The following GPR155 variants were observed in gnomAD, a reference collection of about 807,000 sequenced individuals.
GPR155 encodes lysosomal cholesterol signaling protein.
GPR155 carries 65 observed loss-of-function variants against 93.1 expected under a neutral mutation model. The ratio of observed to expected loss-of-function variants is 0.70; its 90% CI spans 0.57 to 0.86. The LOEUF is 0.86. Among genes scored for constraint, GPR155 ranks in the 40% least tolerant of loss-of-function variants. GPR155 has a pLI of 0.00. For synonymous variants in GPR155, 319 were observed against 360.1 expected (o/e 0.89, Z 1.29); for missense variants, 838 against 1,034.8 (o/e 0.81, Z 2.61).
rs1293182348 is a variant in GPR155 at position 174,435,925 on chromosome 2, T to C, written c.*191A>G. 2 of 557,072 alleles carry C rather than the reference T, an allele frequency of 3.6e-6. No homozygotes were observed. Among genetic ancestry groups the C allele is most frequent in the Non-Finnish European group, 6.4e-6 (2 of 312,840 alleles). The allele number at this position is 557,072 out of a possible 1,614,324, so 34.5% of individuals were successfully genotyped here. On this transcript the variant is annotated 3_prime_UTR_variant, in exon 16 of 16. Coordinates refer to ENST00000392552, the MANE Select transcript of GPR155 (RefSeq NM_152529.7). Reference sequence around the variant, plus strand: ...TTCTCTTTTTCCTAAGTCAGCTTCCTATGTGTTTTACATACATGTAAAATC... The same window carrying C: ...TTCTCTTTTTCCTAAGTCAGCTTCCCATGTGTTTTACATACATGTAAAATC...
rs368122250 is a variant in GPR155 at position 174,437,510 on chromosome 2, G to A, written c.2313-1094C>T. On this transcript the variant is annotated intron_variant, in intron 15 of 15. Coordinates refer to ENST00000392552, the MANE Select transcript of GPR155 (RefSeq NM_152529.7). ...ACTAGAAACACCACATTCGACAAAA[G>A]CCTGGATATTATACTCTGTGTTAGC... 5.4e-4 allele frequency among the ~76,000 whole-genome samples: 81 copies of A among 151,146 alleles called. 1 individual carries two copies. The South Asian group carries it at 0.017, about 31-fold the overall frequency.
intron 9 of GPR155, among the ~76,000 whole-genome samples, chr2:174,460,700 TA>T (rs1236747037): frequency 2.0e-5 from 3 of 152,218 alleles, no homozygotes; most frequent in African/African-American, 7.2e-5. Flanking sequence ...ATGTTTTCTT[TA>T]CTCCTGTTTC....
At chr2:174,482,759 C>T (rs1688364036) in intron 1 of GPR155, 1 of 152,234 alleles carries the variant, frequency 6.6e-6, no homozygotes, top group Admixed American at 6.5e-5. Context: ...CTCAGCATCC[C>T]ACAGTGCTGG....
At chr2:174,475,614 C>A (rs1216994102) in intron 2 of GPR155, among the ~76,000 whole-genome samples, 7 of 152,048 alleles carry the variant, frequency 4.6e-5, no homozygotes, top group African/African-American at 1.2e-4. Flanking sequence ...TTTATAAGTT[C>A]TTTCCACTGG....
intron 11 of GPR155, among the ~76,000 whole-genome samples, chr2:174,453,107 C>G (rs1264689975): frequency 6.6e-6 from 1 of 152,188 alleles, no homozygotes; most frequent in Non-Finnish European, 1.5e-5. Context: ...AAGAAAAAAG[C>G]TTCCCTCTCT....
rs1298143175 is a variant in GPR155 at position 174,465,788 on chromosome 2, T to A, written c.1381A>T (p.Thr461Ser). ...TTCCATTCATAATCCAACTCACCTG[T>A]CCACAGGTAGGTGCTATAGAGGGAG... is the stretch of plus-strand genomic sequence containing the variant. Reference protein sequence around the residue: ...YSSLYSTYLWTGLLAISLFLL... With the variant: ...YSSLYSTYLWSGLLAISLFLL... Residue 461 changes from threonine (T) to serine (S), a missense_variant, in exon 7 of 16, where the codon ACA becomes TCA. Physicochemically the swap from Thr to Ser is moderately conservative, Grantham distance 58. Transcript: ENST00000392552. 1 of 1,478,282 alleles carries A rather than the reference T, an allele frequency of 6.8e-7. No individual in the cohort carries two copies. Among genetic ancestry groups the A allele is most frequent in the Admixed American group, 1.7e-5 (1 of 58,736 alleles). The allele number at this position is 1,478,282 out of a possible 1,614,324, so 91.6% of individuals were successfully genotyped here. A position where few individuals can be genotyped will look rare whatever the true frequency, so the allele number is the denominator to read the frequency against.
rs1416099934 is a variant in GPR155, at chr2:174,434,788, T to A, written c.*1328A>T. 1.3e-5 allele frequency: 1 copy of A among 78,106 alleles called. No homozygotes were observed. Among genetic ancestry groups the A allele is most frequent in the African/African-American group, 5.6e-5 (1 of 17,714 alleles). The allele number at this position is 78,106 out of a possible 1,614,324, so 4.8% of individuals were successfully genotyped here. On this transcript the variant is annotated 3_prime_UTR_variant, in exon 16 of 16. Coordinates refer to ENST00000392552, the MANE Select transcript of GPR155 (RefSeq NM_152529.7). ...ACCTGGGTATTCTTTTTTCTTTTTC[T>A]TTTTCTTTTTTTTTTTTTTTAGTAC...
rs749054375 is a variant in GPR155, at chr2:174,468,986, T to C, written c.1108A>G (p.Met370Val). 3.0e-5 allele frequency: 49 copies of C among 1,613,814 alleles called. No individual in the cohort carries two copies. Among genetic ancestry groups the C allele is most frequent in the South Asian group, 8.8e-5 (8 of 91,086 alleles). Residue 370 changes from methionine to valine, a missense_variant, in exon 5 of 16, where the codon ATG (methionine) becomes GTG (valine). Met to Val is a conservative substitution (Grantham distance 21, BLOSUM62 1). Coordinates refer to ENST00000392552, the MANE Select transcript of GPR155 (RefSeq NM_152529.7). ...GCATATGCCAATGGCTTAGGGTCCATAGTGGGAAAGGTCAGTAACCAGGCA... is the reference window on the plus strand; with the variant it reads ...GCATATGCCAATGGCTTAGGGTCCACAGTGGGAAAGGTCAGTAACCAGGCA... Reference protein sequence around the residue: ...VSAWLLTFPTMDPKPLAYAIQ... With the variant: ...VSAWLLTFPTVDPKPLAYAIQ...
At chr2:174,439,726 G>A (rs1264536296) in intron 15 of GPR155, among the ~76,000 whole-genome samples, 172 bp downstream of exon 15, 1 of 152,026 alleles carries the variant, frequency 6.6e-6, no homozygotes, top group Non-Finnish European at 1.5e-5. Flanking sequence ...TCTTTTATAT[G>A]CCATTTCTGA....
At position 174,473,186 on chromosome 2, in the gene GPR155, A is replaced by G. The variant is rs1688046915; in HGVS notation, c.639T>C (p.Arg213=). The G allele has an allele frequency of 1.9e-6, 3 of 1,613,380 alleles. No homozygotes were observed. Among genetic ancestry groups the G allele is most frequent in the East Asian group, 2.2e-5 (1 of 44,858 alleles). ...KIKIVGLGLL[R]VLQNPIVFMV... ...TAAATACTATTGGGTTCTGTAATAC[A>G]CGCAGGAGTCCGAGTCCCACAATTT... The change falls in exon 3 of 16, where the codon CGT becomes CGC. Residue 213 remains arginine (R), a synonymous_variant. Coordinates refer to ENST00000392552, the MANE Select transcript of GPR155 (RefSeq NM_152529.7).
chr2:174,453,793 A>T lies in GPR155; in HGVS notation c.1820T>A (p.Ile607Lys). The change falls in exon 11 of 16, where the codon ATA (isoleucine) becomes AAA (lysine). Residue 607 changes from isoleucine to lysine, a missense_variant. Coordinates refer to ENST00000392552, the MANE Select transcript of GPR155 (RefSeq NM_152529.7). ...GGTGCTTGTGTTTGCTATTGGCTCTATTGATGGGCAGTGTAATTCACCATT... is the reference window on the plus strand; with the variant it reads ...GGTGCTTGTGTTTGCTATTGGCTCTTTTGATGGGCAGTGTAATTCACCATT... ...MGNGELHCPS[I>K]EPIANTSTSE... 1 of 1,613,746 alleles carries T rather than the reference A, an allele frequency of 6.2e-7. No individual in the cohort carries two copies. The highest frequency in any genetic ancestry group is 8.5e-7 in the Non-Finnish European group (1 of 1,179,836).
At chr2:174,476,844 G>A (rs779063424) in intron 2 of GPR155, among the ~76,000 whole-genome samples, 1 of 151,882 alleles carries the variant, frequency 6.6e-6, no homozygotes, top group Admixed American at 6.6e-5. Context: ...ACTACTTAAG[G>A]CCTGTCTCTG....
At chr2:174,480,075 G>T (rs1004882899) in intron 2 of GPR155, among the ~76,000 whole-genome samples, 1 of 152,162 alleles carries the variant, frequency 6.6e-6, no homozygotes, top group Non-Finnish European at 1.5e-5. Flanking sequence ...ATAAGTTGGG[G>T]TTTGAGGGGA....
intron 13 of GPR155, among the ~76,000 whole-genome samples, chr2:174,443,317 T>C (rs1435448001): frequency 1.3e-5 from 2 of 152,250 alleles, no homozygotes; most frequent in Non-Finnish European, 2.9e-5. Context: ...TTGACAAATG[T>C]TAACTCATTC....
Position 174,465,874 on chromosome 2 carries a change from C to T in GPR155, c.1295G>A (p.Trp432Ter). The change falls in exon 7 of 16, where the codon TGG becomes TAG. Residue 432 changes from tryptophan to a stop codon, truncating the protein, a stop_gained. Coordinates refer to ENST00000392552, the MANE Select transcript of GPR155 (RefSeq NM_152529.7). LOFTEE classifies it high-confidence loss of function. ...AAAATTTTTTTCTTTAACAAAATTC[C>T]ATATCATCATTCCAGCACAGACAAT... Reference protein sequence around the residue: ...QSIVCAGMMIWNFVKEKNFVG... With the variant: ...QSIVCAGMMI 1 of 1,588,458 alleles carries T rather than the reference C, an allele frequency of 6.3e-7. No individual in the cohort carries two copies. The highest frequency in any genetic ancestry group is 8.6e-7 in the Non-Finnish European group (1 of 1,158,020).
intron 11 of GPR155, among the ~76,000 whole-genome samples, chr2:174,452,891 C>T (rs1046916530): frequency 2.6e-5 from 4 of 152,168 alleles, no homozygotes; most frequent in African/African-American, 9.7e-5. Flanking sequence ...ACCTTGTGAT[C>T]CACCCGCCTC....
chr2:174,463,330 A>G (rs2105712228), intron 7 of GPR155, among the ~76,000 whole-genome samples: 1 of 152,184 alleles, frequency 6.6e-6, no homozygotes, highest in South Asian at 2.1e-4. Context: ...CCTCCTGAGT[A>G]GCTGGGACTA....
In GPR155 at chr2:174,432,756, A is replaced by T. The variant is rs1686671100; in HGVS notation, c.*3360T>A. 1 of 138,510 alleles carries T rather than the reference A, an allele frequency of 7.2e-6. No individual in the cohort carries two copies. Among genetic ancestry groups the T allele is most frequent in the African/African-American group, 2.6e-5 (1 of 38,150 alleles). 8.6% of individuals were successfully genotyped at this position (138,510 alleles called of 1,614,324 possible). On this transcript the variant is annotated 3_prime_UTR_variant, in exon 16 of 16. Transcript: ENST00000392552. The stretch of plus-strand genomic sequence containing the variant: ...TTATTAATAAATATACTAGGCTTCC[A>T]TGCAGGTTTTTTTTTTTTTTTTTTT...
In GPR155 at chr2:174,432,600, G is replaced by A. The variant is rs1686667777; in HGVS notation, c.*3516C>T. On this transcript the variant is annotated 3_prime_UTR_variant, in exon 16 of 16. Transcript: ENST00000392552. ...CCTTAGACTTACCCTTGAGCATTCA[G>A]AGTCATAATATGGTCTTATTAAAAA... 1 of 152,036 alleles carries A rather than the reference G, an allele frequency of 6.6e-6. No homozygotes were observed. The highest frequency in any genetic ancestry group is 1.5e-5 in the Non-Finnish European group (1 of 68,002). The allele number at this position is 152,036 out of a possible 1,614,324, so 9.4% of individuals were successfully genotyped here.
Sources: allele counts gnomAD v4.1 joint callset (sites outside exome capture counted in the v4.1 genomes callset), GRCh38; gene constraint gnomAD v4.1.1; transcripts MANE v1.5; gene names NCBI Gene and HGNC (gene_info 2026-07-23, HGNC 2026-07-21).